ASTN2: variants seen among roughly 807,000 people sequenced by gnomAD.
ASTN2 encodes the protein astrotactin-2.
Under a neutral mutation model 139.8 loss-of-function variants are expected in ASTN2, and 54 were observed. The ratio of observed to expected loss-of-function variants is 0.39; its 90% CI spans 0.31 to 0.48. The LOEUF is 0.48. Among genes scored for constraint, ASTN2 ranks in the 20% least tolerant of loss-of-function variants. ASTN2 has a pLI of 0.95. For synonymous variants in ASTN2, 756 were observed against 719.5 expected, an observed-to-expected ratio of 1.05 and a Z score of -0.81; for missense variants, 1,565 against 1,725.1, an observed-to-expected ratio of 0.91 and a Z score of 1.64.
At position 117,039,904 on chromosome 9, in the gene ASTN2, G is replaced by T; in HGVS notation, c.1338C>A (p.Ile446=). The T allele has an allele frequency of 6.2e-7, 1 of 1,613,874 alleles. No individual in the cohort carries two copies. The highest frequency in any genetic ancestry group is 8.5e-7 in the Non-Finnish European group (1 of 1,179,874). The change falls in exon 6 of 23, where the codon ATC becomes ATA. Residue 446 remains isoleucine (I), a synonymous_variant. Transcript: ENST00000313400. ...ALTLIAVSSC[I]LAMVCGSQMS... ...TCTGGCTGCCACACACCATGGCCAG[G>T]ATGCAGGAACTCACAGCAATCAGTG...
intron 16 of ASTN2, among the ~76,000 whole-genome samples, chr9:116,672,398 C>T (rs1234143179): frequency 6.6e-6 from 1 of 151,974 alleles, no homozygotes; most frequent in Non-Finnish European, 1.5e-5. Flanking sequence ...TTATAAACTT[C>T]TAGACTCAGA....
intron 13 of ASTN2, among the ~76,000 whole-genome samples, chr9:116,754,980 C>T (rs1829496982): frequency 6.6e-6 from 1 of 152,130 alleles, no homozygotes; most frequent in Non-Finnish European, 1.5e-5. Context: ...GGACTCATCA[C>T]TTACAGCCTT....
intron 14 of ASTN2, among the ~76,000 whole-genome samples, chr9:116,731,430 T>G (rs2132124143): frequency 6.6e-6 from 1 of 152,154 alleles, no homozygotes; most frequent in African/African-American, 2.4e-5. Flanking sequence ...TTTTGTTTTG[T>G]TTTGTTTTTG....
chr9:117,308,365 C>G (rs988473689), intron 1 of ASTN2, among the ~76,000 whole-genome samples: 4 of 152,176 alleles, frequency 2.6e-5, no homozygotes, highest in African/African-American at 9.7e-5. Context: ...CTCGAGGGAC[C>G]TATTAGCAAG....
At chr9:117,206,496 T>C (rs1744548906) in intron 3 of ASTN2, among the ~76,000 whole-genome samples, 1 of 152,164 alleles carries the variant, frequency 6.6e-6, no homozygotes, top group Non-Finnish European at 1.5e-5. Flanking sequence ...ACCCACCATG[T>C]GAGCCAAGTT....
chr9:116,709,187 A>G (rs1195108171), intron 16 of ASTN2, among the ~76,000 whole-genome samples: 1 of 152,190 alleles, frequency 6.6e-6, no homozygotes, highest in East Asian at 1.9e-4. Context: ...TCCTTGCTGT[A>G]GCATAGAGCC....
chr9:116,958,102 G>A (rs753504429), intron 10 of ASTN2, among the ~76,000 whole-genome samples: 5 of 152,170 alleles, frequency 3.3e-5, no homozygotes, highest in Admixed American at 6.5e-5. Context: ...TGGCATTGGC[G>A]AGGTTTCTCC....
At chr9:117,054,823 G>A (rs781287649) in intron 5 of ASTN2, among the ~76,000 whole-genome samples, 23 of 152,168 alleles carry the variant, frequency 1.5e-4, no homozygotes, top group Non-Finnish European at 3.1e-4. Flanking sequence ...TTTGGCACCA[G>A]GGATCAGTTT....
chr9:116,653,468 C>T (rs944356864), intron 16 of ASTN2, among the ~76,000 whole-genome samples: 2 of 152,186 alleles, frequency 1.3e-5, no homozygotes, highest in African/African-American at 2.4e-5. Flanking sequence ...TTTGTACAAC[C>T]GACAGGGTTC....
intron 13 of ASTN2, among the ~76,000 whole-genome samples, chr9:116,777,104 C>T (rs1229925217): frequency 6.6e-6 from 1 of 152,106 alleles, no homozygotes; most frequent in African/African-American, 2.4e-5. Flanking sequence ...TGTGTTGTTA[C>T]CAAATCTGGT....
Position 116,809,371 on chromosome 9 carries a change from T to TA in ASTN2, c.2208-3552dup, listed in dbSNP as rs1231155620. Among the ~76,000 whole-genome samples the TA allele has an allele frequency of 2.6e-5, 4 of 151,202 alleles. No homozygotes were observed. In the East Asian group the frequency reaches 7.7e-4, roughly 29 times the overall value. ...CAAATTTGAAATGTTATTTTTTTTTTACACGTGCAATCCCTACATATGCCA... is the reference window on the plus strand; with the variant it reads ...CAAATTTGAAATGTTATTTTTTTTTTAACACGTGCAATCCCTACATATGCCA... On this transcript the variant is annotated intron_variant, in intron 12 of 22. Transcript: ENST00000313400.
chr9:117,255,071 A>G (rs577515675), intron 2 of ASTN2, among the ~76,000 whole-genome samples: 1 of 152,300 alleles, frequency 6.6e-6, no homozygotes, highest in Admixed American at 6.5e-5. Flanking sequence ...CTTCTGGCTG[A>G]AGAGGTGTTG....
chr9:117,026,334 T>C (rs1267557705), intron 6 of ASTN2, among the ~76,000 whole-genome samples: 1 of 152,112 alleles, frequency 6.6e-6, no homozygotes, highest in Non-Finnish European at 1.5e-5. Context: ...TAGTTAGGAT[T>C]TGAACCCATG....
chr9:116,557,127 G>A (rs989583854), intron 19 of ASTN2, among the ~76,000 whole-genome samples: 1 of 150,110 alleles, frequency 6.7e-6, no homozygotes, highest in African/African-American at 2.5e-5. Flanking sequence ...GGGAGGCTGA[G>A]GCAGGAGAAT....
Position 116,557,892 on chromosome 9 carries a change from C to T in ASTN2, c.3355+60432G>A, listed in dbSNP as rs182886657. Among the ~76,000 whole-genome samples the T allele has an allele frequency of 1.5e-3, 221 of 152,286 alleles. 2 individuals carry two copies. The highest frequency in any genetic ancestry group is 5.1e-3 in the African/African-American group (212 of 41,560). On this transcript the variant is annotated intron_variant, in intron 19 of 22. Transcript: ENST00000313400. ...GTGGTTCTTGGGGTTTTCAACAGCT[C>T]TGAACTTGCATTTGCTTCAAGCACT...
rs192352665 is a variant in ASTN2 at position 116,726,793 on chromosome 9, C to T, written c.2627-843G>A. Among the ~76,000 whole-genome samples the T allele has an allele frequency of 1.2e-4, 19 of 152,262 alleles. No homozygotes were observed. The East Asian group carries it at 3.7e-3, about 29-fold the overall frequency. On this transcript the variant is annotated intron_variant, in intron 15 of 22. Transcript: ENST00000313400. ...CTCCCTCTTTCTCTCCTTCCTCAAA[C>T]AGGCACATGAGCAAGCTATTCTTCC...
At chr9:116,992,338 T>C (rs1328112209) in intron 7 of ASTN2, among the ~76,000 whole-genome samples, 1 of 152,028 alleles carries the variant, frequency 6.6e-6, no homozygotes, top group Admixed American at 6.6e-5. Flanking sequence ...GAGCCTTTTG[T>C]TATATGCCTC....
intron 19 of ASTN2, among the ~76,000 whole-genome samples, chr9:116,532,755 G>C (rs1417348778): frequency 1.3e-5 from 2 of 152,156 alleles, no homozygotes; most frequent in African/African-American, 4.8e-5. Flanking sequence ...TGCTGTTTTG[G>C]TTACTATAGC....
chr9:116,621,258 A>C (rs1856131756), intron 17 of ASTN2, among the ~76,000 whole-genome samples: 2 of 152,210 alleles, frequency 1.3e-5, no homozygotes, highest in Non-Finnish European at 2.9e-5. Flanking sequence ...GATACTTTAC[A>C]TGAATTGGCA....
Sources: gnomAD v4.1 joint callset for allele counts (sites outside exome capture counted in the v4.1 genomes callset) on GRCh38, gnomAD v4.1.1 for gene constraint, MANE v1.5 for transcripts, NCBI Gene and HGNC (gene_info 2026-07-23, HGNC 2026-07-21) for gene names.